Variants in CNTN6 observed in about 807,000 individuals in gnomAD.
CNTN6 encodes contactin-6.
CNTN6 carries 137 observed loss-of-function variants against 122.8 expected under a neutral mutation model. The observed-to-expected ratio is 1.12, with a 90% CI of 0.97 to 1.29. The LOEUF (loss-of-function observed/expected upper bound fraction) is 1.29, where lower values mean the gene tolerates loss of function less well. Among genes scored for constraint, CNTN6 ranks in the 50% most tolerant of loss-of-function variants. The pLI is 0.00. For synonymous variants in CNTN6, 570 were observed against 426.0 expected (o/e 1.34, Z -4.16); for missense variants, 1,634 against 1,223.4 (o/e 1.34, Z -5.01).
intron 5 of CNTN6, among the ~76,000 whole-genome samples, chr3:1,285,324 G>T (rs1046871336): frequency 6.6e-6 from 1 of 152,196 alleles, no homozygotes; most frequent in Non-Finnish European, 1.5e-5. Context: ...TATTGGGGTG[G>T]AGTTGATGAA....
chr3:1,200,245 A>C (rs2093843205), intron 2 of CNTN6, among the ~76,000 whole-genome samples: 1 of 152,176 alleles, frequency 6.6e-6, no homozygotes, highest in African/African-American at 2.4e-5. Context: ...TGTTGACCAG[A>C]CTGGTCTCGA....
chr3:1,272,107 G>A (rs1247530317), intron 4 of CNTN6, among the ~76,000 whole-genome samples: 2 of 152,222 alleles, frequency 1.3e-5, no homozygotes, highest in African/African-American at 4.8e-5. Context: ...CTGCCGCCAT[G>A]TAAGACATGC....
At chr3:1,325,731 T>C (rs1477922704) in intron 8 of CNTN6, 84 bp from the exon 9 acceptor site, 1 of 1,432,172 alleles carries the variant, frequency 7.0e-7, no homozygotes, top group Non-Finnish European at 9.4e-7. Flanking sequence ...CTTGTCCTTC[T>C]GATCTCTACA....
intron 2 of CNTN6, among the ~76,000 whole-genome samples, chr3:1,212,679 A>G (rs1406286366): frequency 6.6e-6 from 1 of 151,604 alleles, no homozygotes; most frequent in African/African-American, 2.4e-5. Flanking sequence ...AGTATTTGAA[A>G]ATGCATTTTG....
chr3:1,364,242 T>C (rs1179606009), intron 12 of CNTN6, among the ~76,000 whole-genome samples: 1 of 151,936 alleles, frequency 6.6e-6, no homozygotes, highest in Non-Finnish European at 1.5e-5. Context: ...GCAAGTTAAC[T>C]AGCAAGAGAA....
intron 4 of CNTN6, among the ~76,000 whole-genome samples, chr3:1,241,429 G>T (rs553873852): frequency 1.2e-4 from 19 of 152,078 alleles, no homozygotes; most frequent in African/African-American, 4.6e-4. Context: ...GTGGTGAGGG[G>T]TGATATTGTG....
chr3:1,346,643 C>A (rs1704747154), intron 11 of CNTN6, among the ~76,000 whole-genome samples: 1 of 152,126 alleles, frequency 6.6e-6, no homozygotes, highest in Admixed American at 6.6e-5. Context: ...CTTCCAGCCA[C>A]CAGAATCATG....
chr3:1,316,199 C>T (rs758503827), intron 7 of CNTN6, among the ~76,000 whole-genome samples: 17 of 151,758 alleles, frequency 1.1e-4, no homozygotes, highest in Non-Finnish European at 2.2e-4. Flanking sequence ...AAATGAGAGG[C>T]GTATTAATCT....
intron 2 of CNTN6, among the ~76,000 whole-genome samples, chr3:1,157,510 C>A (rs1243317684): frequency 6.6e-6 from 1 of 152,146 alleles, no homozygotes; most frequent in Admixed American, 6.6e-5. Flanking sequence ...AGCCACCACG[C>A]CTGGCCCTGT....
At chr3:1,372,791 G>A in intron 13 of CNTN6, 47 bp from the exon 14 acceptor site, 2 of 1,152,970 alleles carry the variant, frequency 1.7e-6, no homozygotes, top group Non-Finnish European at 2.5e-6. Context: ...AGTAGGACTT[G>A]TTATATGGGC....
chr3:1,107,432 G>T (rs966265602), intron 1 of CNTN6, among the ~76,000 whole-genome samples: 2 of 152,058 alleles, frequency 1.3e-5, no homozygotes, highest in African/African-American at 4.8e-5. Context: ...GCATTCATTT[G>T]CAATTGCCAT....
chr3:1,165,193 G>C (rs1443086567), intron 2 of CNTN6, among the ~76,000 whole-genome samples: 1 of 152,092 alleles, frequency 6.6e-6, no homozygotes, highest in Non-Finnish European at 1.5e-5. Flanking sequence ...TCATATCCTA[G>C]TGTTCATTTC....
At chr3:1,228,325 T>C (rs1158895445) in intron 4 of CNTN6, among the ~76,000 whole-genome samples, 1 of 152,158 alleles carries the variant, frequency 6.6e-6, no homozygotes, top group Non-Finnish European at 1.5e-5. Flanking sequence ...TGGATATTAA[T>C]GCAATGTGGA....
intron 2 of CNTN6, among the ~76,000 whole-genome samples, chr3:1,168,747 T>C (rs922842367): frequency 6.6e-6 from 1 of 152,080 alleles, no homozygotes; most frequent in Non-Finnish European, 1.5e-5. Context: ...CATATATTCT[T>C]CCTGCATTTT....
At chr3:1,168,353 GGTTT>G (rs1338841529) in intron 2 of CNTN6, among the ~76,000 whole-genome samples, 1 of 149,074 alleles carries the variant, frequency 6.7e-6, no homozygotes, top group African/African-American at 2.5e-5. Context: ...GAAAGGATGA[GGTTT>G]GTTATTGAGC....
intron 2 of CNTN6, among the ~76,000 whole-genome samples, chr3:1,163,955 A>G (rs2093191049): frequency 6.6e-6 from 1 of 152,212 alleles, no homozygotes; most frequent in Admixed American, 6.5e-5. Context: ...GCACCAGGAA[A>G]CAACAAGTTT....
At chr3:1,348,566 G>A (rs925779318) in intron 11 of CNTN6, among the ~76,000 whole-genome samples, 4 of 151,758 alleles carry the variant, frequency 2.6e-5, no homozygotes, top group African/African-American at 9.7e-5. Flanking sequence ...GTCATTCTAT[G>A]CAAATAAAAT....
chr3:1,222,240 T>C (rs1038154220), intron 3 of CNTN6, among the ~76,000 whole-genome samples: 1 of 152,138 alleles, frequency 6.6e-6, no homozygotes, highest in Non-Finnish European at 1.5e-5. Context: ...ATTCAGAGTT[T>C]GTTGATTTGT....
At chr3:1,256,680 A>G (rs987182263) in intron 4 of CNTN6, among the ~76,000 whole-genome samples, 24 of 152,146 alleles carry the variant, frequency 1.6e-4, no homozygotes, top group African/African-American at 5.8e-4. Flanking sequence ...CAAAAAATAA[A>G]TCCCAAATAA....
Sources: gnomAD v4.1 joint callset for allele counts (sites outside exome capture counted in the v4.1 genomes callset) on GRCh38, gnomAD v4.1.1 for gene constraint, MANE v1.5 for transcripts, NCBI Gene and HGNC (gene_info 2026-07-23, HGNC 2026-07-21) for gene names.